Variants in SETBP1 observed in about 807,000 individuals in gnomAD.
SETBP1 encodes SET-binding protein.
In SETBP1, 9 loss-of-function variants were observed where a neutral mutation model predicts 101.0. That is an observed-to-expected ratio of 0.09 (90% CI 0.05 to 0.16). The LOEUF is 0.16. SETBP1 is among the 10% of genes least tolerant of loss of function. The pLI, the probability that SETBP1 is intolerant of heterozygous loss-of-function variation, is 1.00. For missense variants in SETBP1, 1,858 were observed against 2,033.8 expected (o/e 0.91, Z 1.66); for synonymous variants, 818 against 788.5 (o/e 1.04, Z -0.63).
chr18:44,939,408 C>A (rs1438859071), intron 3 of SETBP1, among the ~76,000 whole-genome samples: 26 of 152,128 alleles, frequency 1.7e-4, no homozygotes, highest in Admixed American at 1.7e-3. Flanking sequence ...TGTGGCTTAT[C>A]CATGTGGTGG....
chr18:45,031,191 C>CT, intron 4 of SETBP1, among the ~76,000 whole-genome samples: 1 of 152,244 alleles, frequency 6.6e-6, no homozygotes, highest in East Asian at 1.9e-4. Context: ...CTTCTGCGTT[C>CT]TTTCATTTGA....
intron 4 of SETBP1, among the ~76,000 whole-genome samples, chr18:44,967,858 C>T (rs2145178322): frequency 6.6e-6 from 1 of 152,312 alleles, no homozygotes; most frequent in East Asian, 1.9e-4. Context: ...TCTCCCACAC[C>T]TTCTGGCTTT....
At chr18:44,971,572 C>T (rs901741131) in intron 4 of SETBP1, among the ~76,000 whole-genome samples, 5 of 152,218 alleles carry the variant, frequency 3.3e-5, no homozygotes, top group African/African-American at 1.2e-4. Context: ...GCCATTCTAA[C>T]TGGTGTGAGA....
intron 2 of SETBP1, among the ~76,000 whole-genome samples, chr18:44,708,895 C>G (rs1052100476): frequency 6.6e-5 from 10 of 152,222 alleles, no homozygotes; most frequent in Non-Finnish European, 2.9e-5. Context: ...ACGCTCATTA[C>G]TATAAACAGA....
intron 2 of SETBP1, among the ~76,000 whole-genome samples, chr18:44,751,166 G>T (rs1330861728): frequency 6.6e-6 from 1 of 152,160 alleles, no homozygotes; most frequent in Non-Finnish European, 1.5e-5. Flanking sequence ...CAGTGAAAAG[G>T]GTAGGCAAGG....
chr18:44,777,424 G>C (rs562319214), intron 2 of SETBP1, among the ~76,000 whole-genome samples: 1 of 152,330 alleles, frequency 6.6e-6, no homozygotes, highest in Admixed American at 6.5e-5. Context: ...AGCATTAACT[G>C]TTAGATTGTG....
chr18:44,814,279 G>T (rs1352691624), intron 2 of SETBP1, among the ~76,000 whole-genome samples: 1 of 152,200 alleles, frequency 6.6e-6, no homozygotes, highest in African/African-American at 2.4e-5. Context: ...TGCAAAACTT[G>T]CACTAGATGC....
chr18:44,880,178 C>T (rs748389050), intron 3 of SETBP1, among the ~76,000 whole-genome samples: 2 of 152,230 alleles, frequency 1.3e-5, no homozygotes, highest in African/African-American at 2.4e-5. Context: ...ACTTTCACAC[C>T]GCTAAATTCA....
intron 2 of SETBP1, among the ~76,000 whole-genome samples, chr18:44,760,543 T>A (rs2070614745): frequency 6.6e-6 from 1 of 152,214 alleles, no homozygotes; most frequent in Non-Finnish European, 1.5e-5. Context: ...CCTTTAAGTT[T>A]AAATGCTTAT....
At chr18:45,009,279 G>A (rs574501295) in intron 4 of SETBP1, among the ~76,000 whole-genome samples, 2 of 151,670 alleles carry the variant, frequency 1.3e-5, no homozygotes, top group African/African-American at 2.4e-5. Context: ...CTGTGGCAAC[G>A]CAGTGTACGC....
chr18:44,919,237 G>A (rs1252922351), intron 3 of SETBP1, among the ~76,000 whole-genome samples: 1 of 152,158 alleles, frequency 6.6e-6, no homozygotes, highest in African/African-American at 2.4e-5. Context: ...GACTCTGCAG[G>A]TAGAAACTAT....
chr18:44,965,280 C>T (rs2071695521), intron 4 of SETBP1, among the ~76,000 whole-genome samples: 1 of 76,514 alleles, frequency 1.3e-5, no homozygotes, highest in Non-Finnish European at 2.6e-5. Flanking sequence ...GACACATGCA[C>T]ACAAACACAC....
At chr18:44,991,687 C>T (rs545392274) in intron 4 of SETBP1, among the ~76,000 whole-genome samples, 5 of 152,212 alleles carry the variant, frequency 3.3e-5, no homozygotes, top group South Asian at 2.1e-4. Flanking sequence ...ACTTGATCTT[C>T]GAATGGAACA....
At chr18:44,891,766 G>A (rs1402253109) in intron 3 of SETBP1, among the ~76,000 whole-genome samples, 1 of 152,046 alleles carries the variant, frequency 6.6e-6, no homozygotes, top group African/African-American at 2.4e-5. Flanking sequence ...TCAGAGTCCT[G>A]CTTCACAAAT....
chr18:44,855,529 G>C (rs983536806), intron 2 of SETBP1, among the ~76,000 whole-genome samples: 1 of 152,262 alleles, frequency 6.6e-6, no homozygotes, highest in East Asian at 1.9e-4. Context: ...TTAAGTGGAC[G>C]GGCTGATGAA....
intron 2 of SETBP1, among the ~76,000 whole-genome samples, chr18:44,766,530 G>A (rs543621666): frequency 6.6e-6 from 1 of 152,264 alleles, no homozygotes; most frequent in Admixed American, 6.5e-5. Context: ...GGTTTCAGGG[G>A]GTGGGTGATA....
intron 2 of SETBP1, among the ~76,000 whole-genome samples, chr18:44,822,114 A>C (rs2072125681): frequency 6.6e-6 from 1 of 152,256 alleles, no homozygotes; most frequent in Non-Finnish European, 1.5e-5. Flanking sequence ...TTTGTACAAC[A>C]GTGACTTTTG....
intron 2 of SETBP1, among the ~76,000 whole-genome samples, chr18:44,770,915 T>C (rs961792071): frequency 6.6e-6 from 1 of 152,068 alleles, no homozygotes; most frequent in Non-Finnish European, 1.5e-5. Context: ...GAAGGCAATA[T>C]AGAGAACTGT....
At chr18:45,017,716 T>C (rs1247871211) in intron 4 of SETBP1, among the ~76,000 whole-genome samples, 2 of 152,262 alleles carry the variant, frequency 1.3e-5, no homozygotes, top group African/African-American at 4.8e-5. Flanking sequence ...GTGACTTTTA[T>C]TGATGTCAGA....
Sources: allele counts gnomAD v4.1 joint callset (sites outside exome capture counted in the v4.1 genomes callset), GRCh38; gene constraint gnomAD v4.1.1; transcripts MANE v1.5; gene names NCBI Gene and HGNC (gene_info 2026-07-23, HGNC 2026-07-21).